The following ADAMTSL3 variants were observed in gnomAD, a reference collection of about 807,000 sequenced individuals.
ADAMTSL3 encodes ADAMTS like 3.
Under a neutral mutation model 201.7 loss-of-function variants are expected in ADAMTSL3, and 128 were observed. That is an observed-to-expected ratio of 0.63 (90% CI 0.55 to 0.73). ADAMTSL3 has a LOEUF of 0.73. Among genes scored for constraint, ADAMTSL3 ranks in the 30% least tolerant of loss-of-function variants. The pLI, the probability that ADAMTSL3 is intolerant of heterozygous loss-of-function variation, is 0.00. For missense variants in ADAMTSL3, 1,990 were observed against 2,119.6 expected (o/e 0.94, Z 1.20); for synonymous variants, 738 against 748.4 (o/e 0.99, Z 0.23).
intron 8 of ADAMTSL3, among the ~76,000 whole-genome samples, chr15:83,859,222 G>C (rs1465739493): frequency 2.0e-5 from 3 of 152,224 alleles, no homozygotes; most frequent in Non-Finnish European, 4.4e-5. Flanking sequence ...GGAATATCTT[G>C]AAGTGGGGGC....
At chr15:83,946,196 G>T (rs556360751) in intron 19 of ADAMTSL3, among the ~76,000 whole-genome samples, 10 of 152,194 alleles carry the variant, frequency 6.6e-5, no homozygotes, top group African/African-American at 2.4e-4. Flanking sequence ...TGGAACAAAC[G>T]GTTGTCACTG....
intron 2 of ADAMTSL3, among the ~76,000 whole-genome samples, chr15:83,695,414 A>G (rs1339390188): frequency 6.6e-6 from 1 of 151,864 alleles, no homozygotes; most frequent in Non-Finnish European, 1.5e-5. Context: ...AAACTCCGGG[A>G]AGGAGCCTGT....
intron 5 of ADAMTSL3, among the ~76,000 whole-genome samples, chr15:83,817,945 G>C (rs989742619): frequency 9.9e-5 from 15 of 152,100 alleles, no homozygotes; most frequent in African/African-American, 2.9e-4. Context: ...CTACTCGAGA[G>C]GCTGAGACAG....
chr15:83,788,501 T>C (rs1387225986), intron 4 of ADAMTSL3, among the ~76,000 whole-genome samples: 1 of 152,230 alleles, frequency 6.6e-6, no homozygotes, highest in Non-Finnish European at 1.5e-5. Flanking sequence ...TATATAGTTA[T>C]GTAGAAATGA....
At chr15:84,000,377 C>CT (rs2067771098) in intron 23 of ADAMTSL3, among the ~76,000 whole-genome samples, 1 of 152,204 alleles carries the variant, frequency 6.6e-6, no homozygotes, top group South Asian at 2.1e-4. Flanking sequence ...TCCCCTTCCC[C>CT]TTTTTTCCTT....
intron 3 of ADAMTSL3, among the ~76,000 whole-genome samples, chr15:83,744,041 G>T (rs1464105389): frequency 1.3e-5 from 2 of 151,862 alleles, no homozygotes; most frequent in African/African-American, 4.8e-5. Flanking sequence ...TAGTAGAGAC[G>T]GGGTTTCACC....
chr15:84,019,721 A>G lies in ADAMTSL3; in HGVS notation c.4274-1689A>G, dbSNP rs1404240472. 3.3e-5 allele frequency among the ~76,000 whole-genome samples: 5 copies of G among 151,864 alleles called. No homozygotes were observed. The East Asian group carries it at 5.8e-4, about 18-fold the overall frequency. On this transcript the variant is annotated intron_variant, in intron 25 of 29. Transcript: ENST00000286744. The stretch of plus-strand genomic sequence containing the variant: ...AGCCTGGCCAACATGATGAAACCCC[A>G]TCTCTACTGAAAATACAAAAATGAG...
rs528954212 is a variant in ADAMTSL3, at chr15:83,715,366, T to C, written c.189+10858T>C. 2.2e-4 allele frequency among the ~76,000 whole-genome samples: 33 copies of C among 152,330 alleles called. No homozygotes were observed. In the Middle Eastern group the frequency reaches 0.014, roughly 63 times the overall value. On this transcript the variant is annotated intron_variant, in intron 3 of 29. Transcript: ENST00000286744. ...TCTGTTTCTAAAAGTTAATAATACATGGCTACATACATGAATACATTTGGA... is the reference window on the plus strand; with the variant it reads ...TCTGTTTCTAAAAGTTAATAATACACGGCTACATACATGAATACATTTGGA...
chr15:83,867,144 TAATA>T (rs1189335820), intron 8 of ADAMTSL3, among the ~76,000 whole-genome samples: 4 of 152,274 alleles, frequency 2.6e-5, no homozygotes, highest in Non-Finnish European at 5.9e-5. Flanking sequence ...TATTTTGCAG[TAATA>T]AATCATTCTT....
chr15:83,850,188 C>T lies in ADAMTSL3; in HGVS notation c.728-8578C>T, dbSNP rs190992676. ...ATCCATTCCCTGCTTCCTCCCGCTA[C>T]GGAGGCACAAATGTCTGTCTTCCTT... On this transcript the variant is annotated intron_variant, in intron 7 of 29. Coordinates refer to ENST00000286744, the MANE Select transcript of ADAMTSL3 (RefSeq NM_207517.3). Among the ~76,000 whole-genome samples, 192 of 152,204 alleles carry T rather than the reference C, an allele frequency of 1.3e-3. 1 individual carries two copies. Among genetic ancestry groups the T allele is most frequent in the African/African-American group, 4.2e-3 (173 of 41,534 alleles).
intron 2 of ADAMTSL3, among the ~76,000 whole-genome samples, chr15:83,693,058 C>T (rs2061634328): frequency 6.6e-6 from 1 of 151,270 alleles, no homozygotes; most frequent in African/African-American, 2.4e-5. Context: ...GCTGGTAATG[C>T]TTTTTTTTTC....
intron 8 of ADAMTSL3, among the ~76,000 whole-genome samples, chr15:83,860,807 C>T (rs551664845): frequency 6.8e-4 from 103 of 152,190 alleles, no homozygotes; most frequent in African/African-American, 2.4e-3. Context: ...TGGGGAGTGT[C>T]GGAGAGTGGG....
chr15:83,874,873 C>T (rs2065149824), intron 9 of ADAMTSL3, among the ~76,000 whole-genome samples: 1 of 145,754 alleles, frequency 6.9e-6, no homozygotes, highest in Admixed American at 6.7e-5. Flanking sequence ...GTCCAGGTGT[C>T]ACATGTGAAC....
chr15:83,897,886 G>A lies in ADAMTSL3; in HGVS notation c.1496G>A (p.Arg499Gln), dbSNP rs374678007. 2.2e-5 allele frequency: 36 copies of A among 1,608,376 alleles called. No individual in the cohort carries two copies. The highest frequency in any genetic ancestry group is 1.7e-4 in the Middle Eastern group (1 of 6,058). Residue 499 changes from arginine (R) to glutamine (Q), a missense_variant, in exon 14 of 30, where the codon CGG (arginine) becomes CAG (glutamine). Transcript: ENST00000286744. The stretch of plus-strand genomic sequence containing the variant: ...ACAGTGACTTGTGGCCGAGGGTTAC[G>A]GTACCGGGTTGTTCTGTGTATTAAC... The part of the protein sequence containing the change: ...QCTVTCGRGL[R>Q]YRVVLCINHR...
At chr15:83,843,562 T>A (rs543461041) in intron 7 of ADAMTSL3, among the ~76,000 whole-genome samples, 1 of 152,320 alleles carries the variant, frequency 6.6e-6, no homozygotes, top group East Asian at 1.9e-4. Flanking sequence ...CCTATAATCA[T>A]GCTTTGTGTG....
chr15:83,680,826 A>C (rs1055621347), intron 2 of ADAMTSL3, among the ~76,000 whole-genome samples: 3 of 152,014 alleles, frequency 2.0e-5, no homozygotes, highest in African/African-American at 7.2e-5. Context: ...TATTGTCTTA[A>C]TAAGATATTG....
At chr15:83,943,819 A>G (rs2066607386) in intron 19 of ADAMTSL3, among the ~76,000 whole-genome samples, 1 of 152,176 alleles carries the variant, frequency 6.6e-6, no homozygotes, top group African/African-American at 2.4e-5. Flanking sequence ...TGTGTCCATC[A>G]AGTCTCCAGC....
At chr15:83,779,888 C>G (rs1227838244) in intron 4 of ADAMTSL3, among the ~76,000 whole-genome samples, 1 of 152,000 alleles carries the variant, frequency 6.6e-6, no homozygotes, top group East Asian at 1.9e-4. Flanking sequence ...CTAATGAGAA[C>G]AAAGATACAA....
chr15:83,782,995 CACATATATATTATATAT>C (rs1180227643), intron 4 of ADAMTSL3, among the ~76,000 whole-genome samples: 1 of 146,402 alleles, frequency 6.8e-6, no homozygotes, highest in Non-Finnish European at 1.5e-5. Flanking sequence ...ATTATATATA[CACATATATATTATATAT>C]ACATATATAC....
Sources: allele counts gnomAD v4.1 joint callset (sites outside exome capture counted in the v4.1 genomes callset), GRCh38; gene constraint gnomAD v4.1.1; transcripts MANE v1.5; gene names NCBI Gene and HGNC (gene_info 2026-07-23, HGNC 2026-07-21).